The following BIN1 variants were observed in gnomAD, a reference collection of about 807,000 sequenced individuals.
BIN1 encodes myc box-dependent-interacting protein 1.
In BIN1, 53 loss-of-function variants were observed where a neutral mutation model predicts 82.0. The ratio of observed to expected loss-of-function variants is 0.65; its 90% CI spans 0.52 to 0.81. BIN1 has a LOEUF of 0.81. BIN1 is among the 40% of genes least tolerant of loss of function. BIN1 has a pLI of 0.00. For synonymous variants in BIN1, 302 were observed against 328.0 expected, an observed-to-expected ratio of 0.92 and a Z score of 0.86; for missense variants, 642 against 784.4, an observed-to-expected ratio of 0.82 and a Z score of 2.17.
intron 1 of BIN1, among the ~76,000 whole-genome samples, chr2:127,103,641 C>T (rs1406621243): frequency 1.3e-5 from 2 of 152,204 alleles, no homozygotes; most frequent in Admixed American, 6.5e-5. Context: ...ACTCCCAAGC[C>T]GTGGGCCTTC....
chr2:127,048,331 C>T lies in BIN1; in HGVS notation c.*195G>A, dbSNP rs1328868902. ...CAGCTTCAGGAACACTGGTGAATTCCGCCGGACTTGCCGGGACGCGGCTCT... is the reference window on the plus strand; with the variant it reads ...CAGCTTCAGGAACACTGGTGAATTCTGCCGGACTTGCCGGGACGCGGCTCT... On this transcript the variant is annotated 3_prime_UTR_variant, in exon 19 of 19. Transcript: ENST00000316724. 2 of 593,716 alleles carry T rather than the reference C, an allele frequency of 3.4e-6. No individual in the cohort carries two copies. Among genetic ancestry groups the T allele is most frequent in the South Asian group, 2.0e-5 (1 of 51,060 alleles). 36.8% of individuals were successfully genotyped at this position (593,716 alleles called of 1,614,324 possible). A position where few individuals can be genotyped will look rare whatever the true frequency, so the allele number is the denominator to read the frequency against.
chr2:127,063,902 C>T, intron 8 of BIN1, 31 bp downstream of exon 8: 1 of 1,612,596 alleles, frequency 6.2e-7, no homozygotes. Flanking sequence ...GACACTGCCC[C>T]ACGCAGGCTG....
chr2:127,052,889 A>T (rs1683146789), intron 14 of BIN1: 1 of 246,918 alleles, frequency 4.0e-6, no homozygotes, highest in Non-Finnish European at 8.0e-6. Flanking sequence ...GGTGACAGTG[A>T]CATGGTGCTG....
chr2:127,066,526 T>C (rs768981170), intron 7 of BIN1, among the ~76,000 whole-genome samples: 2 of 152,138 alleles, frequency 1.3e-5, no homozygotes, highest in Non-Finnish European at 2.9e-5. Context: ...ACCCGGGCCC[T>C]CCGTCAGTAG....
chr2:127,087,443 A>G (rs1041312848), intron 1 of BIN1, among the ~76,000 whole-genome samples: 1 of 152,176 alleles, frequency 6.6e-6, no homozygotes, highest in African/African-American at 2.4e-5. Context: ...AGATAAGCCT[A>G]TGGCCTGCAG....
At chr2:127,062,049 C>A in intron 10 of BIN1, 66 bp downstream of exon 10, 1 of 1,533,030 alleles carries the variant, frequency 6.5e-7, no homozygotes, top group South Asian at 1.2e-5. Flanking sequence ...CCAACAGGGT[C>A]ACAGGAAGGA....
intron 15 of BIN1, 150 bp from the exon 16 acceptor site, chr2:127,051,393 G>A: frequency 1.2e-6 from 1 of 800,522 alleles, no homozygotes; most frequent in Non-Finnish European, 2.1e-6. Flanking sequence ...GTGCCTCGAA[G>A]AATCCAGGGA....
intron 18 of BIN1, among the ~76,000 whole-genome samples, chr2:127,049,797 C>A (rs992741256): frequency 2.6e-5 from 4 of 152,242 alleles, no homozygotes. Flanking sequence ...AGGAGGGACA[C>A]ACTTAGCACC....
At chr2:127,052,220 G>T (rs770470527) in intron 15 of BIN1, 35 bp downstream of exon 15, 1 of 1,545,502 alleles carries the variant, frequency 6.5e-7, no homozygotes, top group Admixed American at 1.9e-5. Context: ...AGAGACTGGG[G>T]ACAAGCCAGA....
In BIN1 at chr2:127,106,968, C is replaced by CA; in HGVS notation, c.-26dup. On this transcript the variant is annotated 5_prime_UTR_variant, in exon 1 of 19. Transcript: ENST00000316724. ...TCGCGGCGCAGGCCTCGCCCGGTGG[C>CA]AGGGGCCGCTCTCGCGCGGGGAGAT... The CA allele has an allele frequency of 6.2e-7, 1 of 1,602,280 alleles. No individual in the cohort carries two copies. The highest frequency in any genetic ancestry group is 8.5e-7 in the Non-Finnish European group (1 of 1,176,206).
chr2:127,057,482 G>T lies in BIN1; in HGVS notation c.1122C>A (p.Thr374=). ...GGCGGCCGCGGCTGACCTGGGAGGG[G>T]GTGGTCACGCTGATCTCAGGGACAA... ...DTFVPEISVT[T]PSQFEAPGPF... is the part of the protein sequence containing the mutation. The change falls in exon 12 of 19, where the codon ACC becomes ACA. Residue 374 remains threonine (T), a synonymous_variant. Coordinates refer to ENST00000316724, the MANE Select transcript of BIN1 (RefSeq NM_139343.3). This position sits in a 1 kb window ranked among gnomAD's most constrained non-coding sequence, Gnocchi z 5.0. 1 of 1,547,382 alleles carries T rather than the reference G, an allele frequency of 6.5e-7. No individual in the cohort carries two copies. The highest frequency in any genetic ancestry group is 8.7e-7 in the Non-Finnish European group (1 of 1,144,452).
intron 9 of BIN1, among the ~76,000 whole-genome samples, chr2:127,062,411 C>T (rs984050319): frequency 1.1e-4 from 16 of 152,246 alleles, no homozygotes; most frequent in Admixed American, 9.8e-4. Context: ...CTAATGCCTG[C>T]TGTCTCTGGA....
chr2:127,050,401 CG>C lies in BIN1; in HGVS notation c.1674+19del, dbSNP rs1487364665. On this transcript the variant is annotated intron_variant, in intron 18 of 18. Coordinates refer to ENST00000316724, the MANE Select transcript of BIN1 (RefSeq NM_139343.3). ...TGCCTGTGGTCCCCCTGCGCTCTGG[CG>C]GCCCCACCCAGCCCTCACCTGCTCT... 1.9e-6 allele frequency: 3 copies of C among 1,613,100 alleles called. No homozygotes were observed. The highest frequency in any genetic ancestry group is 1.3e-5 in the African/African-American group (1 of 74,888).
rs1356675738 is a variant in BIN1 at position 127,050,224 on chromosome 2, G to C, written c.1674+197C>G. On this transcript the variant is annotated intron_variant, in intron 18 of 18. Coordinates refer to ENST00000316724, the MANE Select transcript of BIN1 (RefSeq NM_139343.3). ...GGAGAGAGAGAGGCCTAACAGGAGA[G>C]GGGCCAAGGGAAGGGAGAGGAGAGG... 2.0e-5 allele frequency among the ~76,000 whole-genome samples: 3 copies of C among 152,198 alleles called. 1 individual carries two copies. Among genetic ancestry groups the C allele is most frequent in the Non-Finnish European group, 4.4e-5 (3 of 68,014 alleles).
intron 14 of BIN1, 93 bp downstream of exon 14, chr2:127,053,329 G>A: frequency 1.3e-6 from 2 of 1,545,902 alleles, no homozygotes; most frequent in Non-Finnish European, 8.9e-7. Context: ...TGGGGTGCAT[G>A]CACCTGTGAA....
intron 1 of BIN1, among the ~76,000 whole-genome samples, chr2:127,078,561 C>T (rs975346212): frequency 2.6e-5 from 4 of 152,064 alleles, no homozygotes; most frequent in South Asian, 2.1e-4. Context: ...AGGTGGGCAC[C>T]GGGAGGCAGC....
At chr2:127,095,224 C>A (rs1679440294) in intron 1 of BIN1, among the ~76,000 whole-genome samples, 1 of 152,208 alleles carries the variant, frequency 6.6e-6, no homozygotes, top group Non-Finnish European at 1.5e-5. Flanking sequence ...GAGTCCCCTC[C>A]CAAGCCACTA....
chr2:127,060,790 C>T, intron 10 of BIN1: 1 of 1,066,984 alleles, frequency 9.4e-7, no homozygotes, highest in Non-Finnish European at 1.4e-6. Flanking sequence ...TGCACAGGGC[C>T]TGGGCGTGCT....
chr2:127,105,789 ACCCGGCGG>A (rs1681032151), intron 1 of BIN1, among the ~76,000 whole-genome samples: 1 of 151,934 alleles, frequency 6.6e-6, no homozygotes, highest in South Asian at 2.1e-4. Context: ...CTGCGCCTCC[ACCCGGCGG>A]CCGCGCAGCG....
Sources: allele counts gnomAD v4.1 joint callset (sites outside exome capture counted in the v4.1 genomes callset), GRCh38; gene constraint gnomAD v4.1.1; non-coding constraint Gnocchi (gnomAD v3.1); transcripts MANE v1.5; gene names NCBI Gene and HGNC (gene_info 2026-07-23, HGNC 2026-07-21).